The following MYO9A variants were observed in gnomAD, a reference collection of about 807,000 sequenced individuals.
MYO9A encodes the protein myosin IXA.
A neutral mutation model predicts 293.3 loss-of-function variants in MYO9A; 103 were observed. The ratio of observed to expected loss-of-function variants is 0.35; its 90% CI spans 0.30 to 0.41. MYO9A has a LOEUF of 0.41. MYO9A is among the 10% of genes least tolerant of loss of function. The pLI is 1.00. For missense variants in MYO9A, 2,685 were observed against 3,033.0 expected (o/e 0.89, Z 2.69); for synonymous variants, 1,001 against 1,035.7 (o/e 0.97, Z 0.64).
intron 15 of MYO9A, among the ~76,000 whole-genome samples, chr15:71,943,679 C>G (rs2058836880): frequency 6.6e-6 from 1 of 152,042 alleles, no homozygotes; most frequent in East Asian, 1.9e-4. Context: ...TATGCCCCTT[C>G]TTGGACAATC....
chr15:72,104,882 A>C (rs1266367727), intron 1 of MYO9A, among the ~76,000 whole-genome samples: 1 of 152,248 alleles, frequency 6.6e-6, no homozygotes, highest in African/African-American at 2.4e-5. Flanking sequence ...AATGGTACAT[A>C]AGATGTACAT....
intron 15 of MYO9A, among the ~76,000 whole-genome samples, chr15:71,944,083 T>G (rs1684700297): frequency 6.6e-6 from 1 of 152,126 alleles, no homozygotes; most frequent in Non-Finnish European, 1.5e-5. Context: ...TTAGTCAGAT[T>G]ACAATTTGCC....
In MYO9A at chr15:71,826,569, C is replaced by T. The variant is rs368612196; in HGVS notation, c.*11G>A. ...CACTCTGTAGCCACGGAGGGACACA[C>T]ATCTGCCGGTTCAGACCATAAATTC... On this transcript the variant is annotated 3_prime_UTR_variant, in exon 42 of 42. Transcript: ENST00000356056. The T allele has an allele frequency of 6.4e-6, 10 of 1,567,204 alleles. No homozygotes were observed. The highest frequency in any genetic ancestry group is 2.5e-5 in the South Asian group (2 of 81,512).
At chr15:71,862,930 T>C (rs1479213364) in intron 32 of MYO9A, among the ~76,000 whole-genome samples, 1 of 59,112 alleles carries the variant, frequency 1.7e-5, no homozygotes, top group Admixed American at 1.7e-4. Flanking sequence ...TTTTTTTGGC[T>C]TTTTTTTTTT....
At chr15:71,874,766 C>T (rs2056630453) in intron 32 of MYO9A, among the ~76,000 whole-genome samples, 1 of 152,082 alleles carries the variant, frequency 6.6e-6, no homozygotes, top group Admixed American at 6.6e-5. Context: ...CTCCCAAACG[C>T]CTTCATATGA....
At chr15:72,023,695 C>CAAAAAA (rs368209775) in intron 4 of MYO9A, among the ~76,000 whole-genome samples, 4 of 51,218 alleles carry the variant, frequency 7.8e-5, no homozygotes, top group South Asian at 7.4e-4. Flanking sequence ...AACTCTGTCT[C>CAAAAAA]AAAAAAAAAA....
At chr15:72,079,453 C>G (rs1485944838) in intron 1 of MYO9A, among the ~76,000 whole-genome samples, 2 of 152,048 alleles carry the variant, frequency 1.3e-5, no homozygotes, top group African/African-American at 4.8e-5. Context: ...TCAACAGTCT[C>G]TTAGGCCTTC....
chr15:71,878,964 C>T (rs923737203), intron 30 of MYO9A, among the ~76,000 whole-genome samples: 1 of 151,776 alleles, frequency 6.6e-6, no homozygotes, highest in African/African-American at 2.4e-5. Context: ...ACCATATTGC[C>T]CAGGCTGGTC....
intron 18 of MYO9A, among the ~76,000 whole-genome samples, chr15:71,928,907 A>G (rs1282464339): frequency 6.6e-6 from 1 of 150,890 alleles, no homozygotes; most frequent in African/African-American, 2.4e-5. Context: ...CTACGAGAAA[A>G]AAAAAAAAAA....
chr15:72,109,493 G>A (rs1274034590), intron 1 of MYO9A, among the ~76,000 whole-genome samples: 2 of 151,956 alleles, frequency 1.3e-5, no homozygotes, highest in Non-Finnish European at 2.9e-5. Flanking sequence ...CATAATTAGT[G>A]TTCTCTTCCA....
intron 15 of MYO9A, among the ~76,000 whole-genome samples, chr15:71,943,845 C>T (rs555107834): frequency 6.6e-6 from 1 of 152,072 alleles, no homozygotes; most frequent in Non-Finnish European, 1.5e-5. Context: ...ACGTAAAAGT[C>T]TTTTGTGAAT....
Position 71,938,923 on chromosome 15 carries a change from T to A in MYO9A, c.2307A>T (p.Ile769=). The A allele has an allele frequency of 6.2e-7, 1 of 1,607,106 alleles. No individual in the cohort carries two copies. The highest frequency in any genetic ancestry group is 2.2e-5 in the East Asian group (1 of 44,600). ...LQRCKEEKYS[I]TRKNPRTPLS... is the part of the protein sequence containing the mutation. The stretch of plus-strand genomic sequence containing the variant: ...GAGGTGTTCTGGGATTTTTCCGGGT[T>A]ATACCTAGCAAAATTTAAAAAACAG... Residue 769 remains isoleucine (I), a synonymous_variant, in exon 16 of 42, where the codon ATA becomes ATT. Coordinates refer to ENST00000356056, the MANE Select transcript of MYO9A (RefSeq NM_006901.4).
At chr15:72,103,736 T>G (rs1328805978) in intron 1 of MYO9A, among the ~76,000 whole-genome samples, 1 of 152,240 alleles carries the variant, frequency 6.6e-6, no homozygotes. Flanking sequence ...CACATAGTAT[T>G]ATTATATGCA....
chr15:72,007,904 G>C lies in MYO9A; in HGVS notation c.1302C>G (p.Tyr434Ter). ...AGTCATCCCGGTATGTCTTCTTTTT[G>C]TAACAGATATTACCCAAATGTAGTA... ...SAILHLGNIC[Y>*]KKKTYRDDSI... The change falls in exon 8 of 42, where the codon TAC (tyrosine) becomes TAG (stop). Residue 434 changes from tyrosine (Y) to a stop codon, truncating the protein, a stop_gained. Coordinates refer to ENST00000356056, the MANE Select transcript of MYO9A (RefSeq NM_006901.4). LOFTEE classifies it high-confidence loss of function. 1 of 1,613,042 alleles carries C rather than the reference G, an allele frequency of 6.2e-7. No homozygotes were observed. The highest frequency in any genetic ancestry group is 8.5e-7 in the Non-Finnish European group (1 of 1,179,510).
intron 18 of MYO9A, among the ~76,000 whole-genome samples, chr15:71,933,035 T>C (rs1435639829): frequency 1.3e-5 from 2 of 152,036 alleles, no homozygotes; most frequent in African/African-American, 2.4e-5. Context: ...ACCAGAGCTA[T>C]ATTAACAGAG....
At chr15:71,924,654 C>T (rs1427200695) in intron 18 of MYO9A, among the ~76,000 whole-genome samples, 1 of 152,034 alleles carries the variant, frequency 6.6e-6, no homozygotes, top group Non-Finnish European at 1.5e-5. Flanking sequence ...GGCGTGGTGG[C>T]TCACGCCTGT....
chr15:71,868,800 T>A (rs1364228238), intron 32 of MYO9A, among the ~76,000 whole-genome samples: 2 of 151,798 alleles, frequency 1.3e-5, no homozygotes, highest in Non-Finnish European at 2.9e-5. Context: ...ACAAAGGGGG[T>A]TGGAGTTAGA....
chr15:72,052,275 TGAACACTCATCAGGACACCC>T (rs1342566789), intron 1 of MYO9A, among the ~76,000 whole-genome samples: 13 of 152,138 alleles, frequency 8.5e-5, no homozygotes, highest in Admixed American at 4.6e-4. Flanking sequence ...TGCTGACAGC[TGAACACTCATCAGGACACCC>T]GAACACTCAT....
intron 2 of MYO9A, among the ~76,000 whole-genome samples, chr15:72,038,163 T>A (rs975225716): frequency 6.6e-6 from 1 of 152,162 alleles, no homozygotes; most frequent in African/African-American, 2.4e-5. Context: ...GCTCAAGTGA[T>A]CCACTCTCCT....
Sources: allele counts gnomAD v4.1 joint callset (sites outside exome capture counted in the v4.1 genomes callset), GRCh38; gene constraint gnomAD v4.1.1; transcripts MANE v1.5; gene names NCBI Gene and HGNC (gene_info 2026-07-23, HGNC 2026-07-21).